ANO3: variants seen among roughly 807,000 people sequenced by gnomAD.
ANO3 encodes the protein anoctamin 3.
In ANO3, 99 loss-of-function variants were observed where a neutral mutation model predicts 144.8. That is an observed-to-expected ratio of 0.68 (90% CI 0.58 to 0.81). The LOEUF is 0.81. ANO3 is among the 30% of genes least tolerant of loss of function. The pLI, the probability that ANO3 is intolerant of heterozygous loss-of-function variation, is 0.00. For synonymous variants in ANO3, 414 were observed against 392.6 expected, an observed-to-expected ratio of 1.05 and a Z score of -0.64; for missense variants, 905 against 1,202.2, an observed-to-expected ratio of 0.75 and a Z score of 3.66.
At chr11:26,276,748 C>T (rs771175397) in intron 1 of ANO3, among the ~76,000 whole-genome samples, 40 of 152,146 alleles carry the variant, frequency 2.6e-4, no homozygotes, top group Non-Finnish European at 4.9e-4. Context: ...GTTAACCTTA[C>T]TCCTACCTCC....
At chr11:26,421,975 AT>A (rs1222152707) in intron 1 of ANO3, among the ~76,000 whole-genome samples, 2 of 151,952 alleles carry the variant, frequency 1.3e-5, no homozygotes, top group Admixed American at 1.3e-4. Flanking sequence ...GAGGGAAAGG[AT>A]CACAAAAATT....
intron 1 of ANO3, among the ~76,000 whole-genome samples, chr11:26,211,534 T>G (rs1029611716): frequency 1.3e-5 from 2 of 152,124 alleles, no homozygotes; most frequent in African/African-American, 4.8e-5. Flanking sequence ...CCAGTTAGAA[T>G]GGCAATCATT....
intron 1 of ANO3, among the ~76,000 whole-genome samples, chr11:26,191,285 A>T (rs1851470497): frequency 6.6e-6 from 1 of 151,642 alleles, no homozygotes; most frequent in Non-Finnish European, 1.5e-5. Context: ...TCAAAAAAGA[A>T]AAAAAAACAC....
chr11:26,547,671 C>T, intron 12 of ANO3, 121 bp downstream of exon 12: 2 of 1,004,636 alleles, frequency 2.0e-6, no homozygotes, highest in Non-Finnish European at 2.9e-6. Context: ...AATTTATTTG[C>T]TATTTCTGTT....
chr11:26,511,136 C>T (rs1476839340), intron 5 of ANO3, among the ~76,000 whole-genome samples: 2 of 152,142 alleles, frequency 1.3e-5, no homozygotes, highest in Non-Finnish European at 2.9e-5. Context: ...TTGTTGGAAC[C>T]AGTCGTCCCT....
intron 1 of ANO3, among the ~76,000 whole-genome samples, chr11:26,222,334 G>A (rs118183642): frequency 6.6e-6 from 1 of 152,228 alleles, no homozygotes; most frequent in Non-Finnish European, 1.5e-5. Context: ...GCCTTGGAAA[G>A]CTCCATCCCT....
At chr11:26,296,456 C>A (rs1018773422) in intron 1 of ANO3, among the ~76,000 whole-genome samples, 1 of 152,146 alleles carries the variant, frequency 6.6e-6, no homozygotes. Context: ...CTTTTACCAG[C>A]CTATGAGGGA....
At chr11:26,196,703 TAAGATTCATTAAA>T (rs1851596581) in intron 1 of ANO3, among the ~76,000 whole-genome samples, 1 of 152,164 alleles carries the variant, frequency 6.6e-6, no homozygotes, top group South Asian at 2.1e-4. Context: ...GTATACTTCA[TAAGATTCATTAAA>T]ACAAAATAGA....
chr11:26,392,747 T>A (rs904798881), intron 1 of ANO3, among the ~76,000 whole-genome samples: 3 of 152,096 alleles, frequency 2.0e-5, no homozygotes, highest in African/African-American at 7.2e-5. Context: ...AGAGAGAGAA[T>A]AACGGGATTA....
intron 4 of ANO3, among the ~76,000 whole-genome samples, chr11:26,479,991 G>A (rs1860145566): frequency 6.6e-6 from 1 of 152,162 alleles, no homozygotes; most frequent in Admixed American, 6.6e-5. Context: ...GACAGTTGGA[G>A]GAACAGTGTG....
chr11:26,332,298 T>C lies in ANO3; in HGVS notation c.23T>C (p.Ile8Thr), dbSNP rs1271398614. ...AAAATGGTCCACCATTCAGGCTCCATTCAGTCCTTTAAACAGCAAAAAGGT... is the reference window on the plus strand; with the variant it reads ...AAAATGGTCCACCATTCAGGCTCCACTCAGTCCTTTAAACAGCAAAAAGGT... Reference protein sequence around the residue: MVHHSGSIQSFKQQKGMN... With the variant: MVHHSGSTQSFKQQKGMN... Residue 8 changes from isoleucine to threonine, a missense_variant, in exon 1 of 27, where the codon ATT (isoleucine) becomes ACT (threonine). Coordinates refer to ENST00000256737, the MANE Select transcript of ANO3 (RefSeq NM_031418.4). The C allele has an allele frequency of 6.2e-7, 1 of 1,613,822 alleles. No homozygotes were observed. The highest frequency in any genetic ancestry group is 8.5e-7 in the Non-Finnish European group (1 of 1,179,980).
chr11:26,549,538 T>C (rs1373062091), intron 12 of ANO3, among the ~76,000 whole-genome samples: 1 of 152,010 alleles, frequency 6.6e-6, no homozygotes, highest in South Asian at 2.1e-4. Flanking sequence ...GATGCAGATG[T>C]GGCTCTATTG....
rs760233252 is a variant in ANO3, at chr11:26,531,236, T to C, written c.769T>C (p.Trp257Arg). The C allele has an allele frequency of 1.2e-6, 2 of 1,614,100 alleles. No homozygotes were observed. The highest frequency in any genetic ancestry group is 2.2e-5 in the East Asian group (1 of 44,856). ...AACTTATTTTAGAAGAATCAAAAAC[T>C]GGATGGCCCAAAACCCAATGGTTCT... ...MQTYFRRIKN[W>R]MAQNPMVLDK... The change falls in exon 8 of 27, where the codon TGG becomes CGG. Residue 257 changes from tryptophan to arginine, a missense_variant. By Grantham distance (101) the Trp-to-Arg change is moderately radical (BLOSUM62 -3). This residue lies in a region of ANO3 where 71 missense variants were observed against 57.9 expected (regional missense o/e 1.23). Coordinates refer to ENST00000256737, the MANE Select transcript of ANO3 (RefSeq NM_031418.4).
Position 26,547,524 on chromosome 11 carries a change from AT to A in ANO3, c.1266del (p.Phe422LeufsTer3), listed in dbSNP as rs774378817. 15 of 1,611,770 alleles carry A rather than the reference AT, an allele frequency of 9.3e-6. No individual in the cohort carries two copies. Among genetic ancestry groups the A allele is most frequent in the East Asian group, 2.2e-5 (1 of 44,790 alleles). ...VGLCVFFYGLFTMNNSQVSQE... is the reference protein window; with the variant it reads ...VGLCVFFYGLXTMNNSQVSQE... ...GTTTGTGCGTTTTCTTCTATGGATT[AT>A]TTACAATGAATAATAGTCAAGTAAG... On this transcript the variant is annotated frameshift_variant, in exon 12 of 27. Coordinates refer to ENST00000256737, the MANE Select transcript of ANO3 (RefSeq NM_031418.4). LOFTEE classifies it high-confidence loss of function.
chr11:26,457,687 G>A (rs1859221719), intron 3 of ANO3, among the ~76,000 whole-genome samples: 1 of 152,074 alleles, frequency 6.6e-6, no homozygotes, highest in Admixed American at 6.6e-5. Flanking sequence ...ATTTTAAGTT[G>A]GATTTGTTGA....
chr11:26,381,306 G>T (rs567568848), intron 1 of ANO3, among the ~76,000 whole-genome samples: 1 of 152,206 alleles, frequency 6.6e-6, no homozygotes, highest in African/African-American at 2.4e-5. Flanking sequence ...CATCACACAA[G>T]AGTTATAGTT....
At chr11:26,261,027 A>G (rs1678893864) in intron 1 of ANO3, among the ~76,000 whole-genome samples, 1 of 152,208 alleles carries the variant, frequency 6.6e-6, no homozygotes, top group South Asian at 2.1e-4. Context: ...CATATCCCAT[A>G]ATTTGTCAGA....
At chr11:26,421,547 A>T (rs1590345188) in intron 1 of ANO3, among the ~76,000 whole-genome samples, 1 of 152,052 alleles carries the variant, frequency 6.6e-6, no homozygotes, top group African/African-American at 2.4e-5. Flanking sequence ...TGTTATTTTT[A>T]AAATTTTTCT....
At chr11:26,489,588 A>G (rs1860618749) in intron 4 of ANO3, among the ~76,000 whole-genome samples, 2 of 152,210 alleles carry the variant, frequency 1.3e-5, no homozygotes, top group South Asian at 2.1e-4. Context: ...ACTCAACACT[A>G]GTGCATGAAA....
Sources: allele counts gnomAD v4.1 joint callset (sites outside exome capture counted in the v4.1 genomes callset), GRCh38; gene constraint gnomAD v4.1.1; regional missense constraint gnomAD v4.1.1; transcripts MANE v1.5; gene names NCBI Gene and HGNC (gene_info 2026-07-23, HGNC 2026-07-21).